Variants in LARGE1 observed in about 807,000 individuals in gnomAD.
The protein encoded by LARGE1 is LARGE xylosyl- and glucuronyltransferase 1, also known as xylosyl- and glucuronyltransferase LARGE1.
A neutral mutation model predicts 87.6 loss-of-function variants in LARGE1; 43 were observed. The observed-to-expected ratio is 0.49, with a 90% confidence interval of 0.38 to 0.63. The LOEUF is 0.63. Ranked by LOEUF, LARGE1 falls within the 30% of genes least tolerant of loss-of-function variation. The probability of loss-of-function intolerance (pLI) is 0.00; values close to 1 mark genes in which losing one functional copy is unlikely to be tolerated. For synonymous variants in LARGE1, 434 were observed against 394.6 expected, an observed-to-expected ratio of 1.10 and a Z score of -1.18; for missense variants, 802 against 1,000.2, an observed-to-expected ratio of 0.80 and a Z score of 2.67.
chr22:33,118,218 C>T, the LARGE1 span, among the ~76,000 whole-genome samples: 4 of 152,158 alleles, frequency 2.6e-5, no homozygotes, highest in Non-Finnish European at 4.4e-5. Context: ...CACAGTGGCT[C>T]ATGCCTATAA....
intron 2 of LARGE1, among the ~76,000 whole-genome samples, chr22:33,655,682 C>T (rs949867633): frequency 1.3e-5 from 2 of 152,142 alleles, no homozygotes; most frequent in Non-Finnish European, 2.9e-5. Context: ...TGAGTGGCAC[C>T]GCCCAATCTC....
chr22:33,642,996 A>C (rs1157640244), intron 3 of LARGE1, among the ~76,000 whole-genome samples: 1 of 152,188 alleles, frequency 6.6e-6, no homozygotes, highest in Non-Finnish European at 1.5e-5. Context: ...CAATGAGCAG[A>C]AAATTAACAA....
At position 33,675,166 on chromosome 22, in the gene LARGE1, T is replaced by C. The variant is rs537456942; in HGVS notation, c.107-24498A>G. ...AAAATTAGCTGGGCATGGTGGCGCA[T>C]GCCTGTAATTCCAGCTACTCAGGAG... On this transcript the variant is annotated intron_variant, in intron 2 of 14. Transcript: ENST00000397394. 4.0e-5 allele frequency among the ~76,000 whole-genome samples: 6 copies of C among 151,480 alleles called. No individual in the cohort carries two copies. The South Asian group carries it at 1.3e-3, about 32-fold the overall frequency.
intron 2 of LARGE1, among the ~76,000 whole-genome samples, chr22:33,678,150 C>G (rs1226899429): frequency 6.6e-6 from 1 of 152,078 alleles, no homozygotes; most frequent in Non-Finnish European, 1.5e-5. Context: ...CAAAAAGAGA[C>G]CAAATAAGAG....
At chr22:33,472,320 A>G (rs957600977) in intron 6 of LARGE1, among the ~76,000 whole-genome samples, 9 of 152,216 alleles carry the variant, frequency 5.9e-5, no homozygotes, top group African/African-American at 2.2e-4. Context: ...GAAGGAGACA[A>G]AGAGAGAGAC....
intron 6 of LARGE1, among the ~76,000 whole-genome samples, chr22:33,483,566 A>G (rs572321100): frequency 1.3e-5 from 2 of 152,292 alleles, no homozygotes; most frequent in African/African-American, 4.8e-5. Context: ...AGCTCTAGGC[A>G]TTTAAGGAAA....
At chr22:33,590,476 T>C (rs1234783341) in intron 5 of LARGE1, among the ~76,000 whole-genome samples, 2 of 152,226 alleles carry the variant, frequency 1.3e-5, no homozygotes, top group African/African-American at 2.4e-5. Flanking sequence ...ATTTAATAAA[T>C]GTATACAGTT....
At chr22:33,398,416 ACT>A (rs1016619991) in intron 7 of LARGE1, among the ~76,000 whole-genome samples, 3 of 151,814 alleles carry the variant, frequency 2.0e-5, no homozygotes, top group Admixed American at 2.0e-4. Context: ...GACTCCTCCA[ACT>A]CTCTGCTTCT....
the LARGE1 span, among the ~76,000 whole-genome samples, chr22:33,096,566 G>GTTT: frequency 1.9e-5 from 2 of 107,884 alleles, no homozygotes; most frequent in African/African-American, 6.1e-5. Context: ...TTTTGTTTTT[G>GTTT]TTTTTTTTTT....
intron 9 of LARGE1, among the ~76,000 whole-genome samples, chr22:33,373,770 C>A (rs571895084): frequency 6.6e-6 from 1 of 151,814 alleles, no homozygotes; most frequent in Admixed American, 6.6e-5. Flanking sequence ...GTCAGGAGAT[C>A]GAGACCATCC....
chr22:33,157,031 C>T, the LARGE1 span, among the ~76,000 whole-genome samples: 163 of 152,308 alleles, frequency 1.1e-3, no homozygotes, highest in Non-Finnish European at 6.9e-4. Context: ...GAGGCCTCTA[C>T]AGCCACATGG....
intron 6 of LARGE1, among the ~76,000 whole-genome samples, chr22:33,470,282 CT>C (rs2065243101): frequency 6.6e-6 from 1 of 152,104 alleles, no homozygotes; most frequent in Admixed American, 6.6e-5. Flanking sequence ...ACATGTACCC[CT>C]GAAACCAAAA....
chr22:33,110,934 C>T, the LARGE1 span, among the ~76,000 whole-genome samples: 1 of 152,040 alleles, frequency 6.6e-6, no homozygotes, highest in African/African-American at 2.4e-5. Context: ...GGGAAAATTC[C>T]ATGTGAGGCA....
chr22:33,278,172 AT>A (rs1375386215), intron 13 of LARGE1, among the ~76,000 whole-genome samples: 1 of 152,202 alleles, frequency 6.6e-6, no homozygotes, highest in Non-Finnish European at 1.5e-5. Context: ...GGAGCTGCCT[AT>A]GGGGGCCATG....
intron 1 of LARGE1, among the ~76,000 whole-genome samples, chr22:33,777,299 G>C (rs999511127): frequency 7.2e-5 from 11 of 152,050 alleles, no homozygotes; most frequent in African/African-American, 2.4e-4. Context: ...CAGTCCCTAG[G>C]GAGCCACTCG....
At chr22:33,210,786 CCT>C (rs896677517) in intron 11 of LARGE1, among the ~76,000 whole-genome samples, 17 of 152,378 alleles carry the variant, frequency 1.1e-4, no homozygotes, top group Admixed American at 5.2e-4. Context: ...CTGGCTCTCC[CCT>C]GTTCCCAGGC....
chr22:33,548,709 C>T (rs1018817311), intron 6 of LARGE1, among the ~76,000 whole-genome samples: 3 of 152,212 alleles, frequency 2.0e-5, no homozygotes, highest in Non-Finnish European at 2.9e-5. Flanking sequence ...GCCATCATAC[C>T]CGGCTCAGGT....
chr22:33,666,264 G>A (rs531098706), intron 2 of LARGE1, among the ~76,000 whole-genome samples: 3 of 152,170 alleles, frequency 2.0e-5, no homozygotes, highest in Admixed American at 2.0e-4. Context: ...AAGAACAAGC[G>A]AGGCTGATAA....
At chr22:33,495,491 C>T (rs1015039901) in intron 6 of LARGE1, among the ~76,000 whole-genome samples, 8 of 152,052 alleles carry the variant, frequency 5.3e-5, no homozygotes, top group South Asian at 2.1e-4. Context: ...GAGGCCCAGG[C>T]GGGCTGATCA....
Sources: gnomAD v4.1 joint callset for allele counts (sites outside exome capture counted in the v4.1 genomes callset) on GRCh38, gnomAD v4.1.1 for gene constraint, MANE v1.5 for transcripts, NCBI Gene and HGNC (gene_info 2026-07-23, HGNC 2026-07-21) for gene names.